Variants in SPTA1 observed in about 807,000 individuals in gnomAD.
The protein encoded by SPTA1 is spectrin alpha, erythrocytic 1.
SPTA1 carries 177 observed loss-of-function variants against 324.7 expected under a neutral mutation model. The observed-to-expected ratio is 0.55, with a 90% CI of 0.48 to 0.62. SPTA1 has a LOEUF of 0.62. SPTA1 is among the 20% of genes least tolerant of loss of function. The pLI is 0.00. For missense variants in SPTA1, 3,162 were observed against 2,883.6 expected (o/e 1.10, Z -2.21); for synonymous variants, 1,195 against 1,041.3 (o/e 1.15, Z -2.84).
intron 19 of SPTA1, 82 bp from the exon 20 acceptor site, chr1:158,656,738 A>G: frequency 1.5e-6 from 2 of 1,324,638 alleles, no homozygotes; most frequent in African/African-American, 1.5e-5. Flanking sequence ...GGGTTATGCT[A>G]TTTGTCTTAA....
At position 158,669,427 on chromosome 1, in the gene SPTA1, G is replaced by A. The variant is rs929351807; in HGVS notation, c.1814C>T (p.Ala605Val). The change falls in exon 14 of 52, where the codon GCA becomes GTA. Residue 605 changes from alanine to valine, a missense_variant. By Grantham distance (64) the Ala-to-Val change is moderately conservative. Transcript: ENST00000643759. ...GCCTACCTTGTAATCTTCATCATCT[G>A]CCAACTTTTTCTTCTTGTTGATCCA... ...KNWINKKKKL[A>V]DDEDYKDIQN... 2 of 1,614,062 alleles carry A rather than the reference G, an allele frequency of 1.2e-6. No individual in the cohort carries two copies. The highest frequency in any genetic ancestry group is 1.7e-6 in the Non-Finnish European group (2 of 1,179,966).
intron 20 of SPTA1, 72 bp downstream of exon 20, chr1:158,656,492 T>A: frequency 1.4e-6 from 2 of 1,403,606 alleles, no homozygotes; most frequent in Non-Finnish European, 1.0e-6. Flanking sequence ...AAGTAAAAAA[T>A]CAGCAATAAA....
intron 16 of SPTA1, among the ~76,000 whole-genome samples, chr1:158,665,583 T>C (rs777241132): frequency 2.6e-5 from 4 of 152,156 alleles, no homozygotes; most frequent in Non-Finnish European, 5.9e-5. Context: ...ACCTAGGAAC[T>C]TTTGGAATAA....
chr1:158,658,514 G>A (rs989840843), intron 18 of SPTA1, among the ~76,000 whole-genome samples: 1 of 152,128 alleles, frequency 6.6e-6, no homozygotes, highest in African/African-American at 2.4e-5. Context: ...CATCAAAGTG[G>A]AAAAATATTG....
In SPTA1 at chr1:158,634,553, G is replaced by T; in HGVS notation, c.5555C>A (p.Ala1852Asp). The T allele has an allele frequency of 6.2e-7, 1 of 1,613,974 alleles. No individual in the cohort carries two copies. ...CTTCCTGTTCCTCACCTGAGTAGCA[G>T]CTAATGTATCTCCACAATCTCCTCG... ...AVRGDCGDTL[A>D]ATQSLLMKHE... Residue 1852 changes from alanine (A) to aspartate (D), a missense_variant, in exon 39 of 52, where the codon GCT becomes GAT. Physicochemically the swap from Ala to Asp is moderately radical, Grantham distance 126. Transcript: ENST00000643759.
chr1:158,643,485 C>T, intron 30 of SPTA1, 60 bp from the exon 31 acceptor site: 2 of 1,474,378 alleles, frequency 1.4e-6, no homozygotes, highest in Non-Finnish European at 9.5e-7. Context: ...GGTGCAATCC[C>T]AGACTCCCTC....
At chr1:158,652,742 C>A in intron 22 of SPTA1, 89 bp from the exon 23 acceptor site, 1 of 1,442,692 alleles carries the variant, frequency 6.9e-7, no homozygotes, top group Admixed American at 1.9e-5. Context: ...AAAGAAGGAA[C>A]AAAAATGAAA....
chr1:158,671,130 C>T (rs147661225), intron 12 of SPTA1, among the ~76,000 whole-genome samples: 121 of 152,166 alleles, frequency 8.0e-4, no homozygotes, highest in African/African-American at 2.7e-3. Context: ...TTGGCTTTCT[C>T]ACTATATAAA....
At chr1:158,626,409 G>A (rs562189177) in intron 41 of SPTA1, among the ~76,000 whole-genome samples, 187 bp from the exon 42 acceptor site, 13 of 152,016 alleles carry the variant, frequency 8.6e-5, no homozygotes, top group Non-Finnish European at 1.3e-4. Flanking sequence ...AAAACTTAAC[G>A]AAACAGAGCT....
At position 158,681,516 on chromosome 1, in the gene SPTA1, A is replaced by G; in HGVS notation, c.531+11T>C. The G allele has an allele frequency of 6.2e-7, 1 of 1,613,506 alleles. No individual in the cohort carries two copies. The highest frequency in any genetic ancestry group is 8.5e-7 in the Non-Finnish European group (1 of 1,179,600). On this transcript the variant is annotated intron_variant, in intron 4 of 51. Transcript: ENST00000643759. ...GGAGGCCCTGTGTGATTGCTGTTTT[A>G]AGTTCGATACCTTGTCTCCAATCCA...
At chr1:158,664,444 C>T (rs775694564) in intron 16 of SPTA1, among the ~76,000 whole-genome samples, 5 of 152,096 alleles carry the variant, frequency 3.3e-5, no homozygotes, top group South Asian at 2.1e-4. Flanking sequence ...AGCCAAACAC[C>T]GCATGTTCTC....
In SPTA1 at chr1:158,638,746, A is replaced by C. The variant is rs1651293040; in HGVS notation, c.4981-505T>G. On this transcript the variant is annotated intron_variant, in intron 35 of 51. Transcript: ENST00000643759. ...CAGGAGAATTGCTTGAGCTGGTACC[A>C]AAAAAAAAAAAAAAAAAAAAGGAAA... Among the ~76,000 whole-genome samples, 2 of 24,298 alleles carry C rather than the reference A, an allele frequency of 8.2e-5. 1 individual carries two copies. The highest frequency in any genetic ancestry group is 1.6e-3 in the South Asian group (2 of 1,240). The allele number at this position is 24,298 out of a possible 152,430, so 15.9% of individuals were successfully genotyped here.
intron 48 of SPTA1, chr1:158,614,909 G>T: frequency 3.2e-6 from 1 of 315,302 alleles, no homozygotes; most frequent in Non-Finnish European, 5.9e-6. Flanking sequence ...AAAATTCTAT[G>T]AAAGGGAATG....
Position 158,661,351 on chromosome 1 carries a change from G to A in SPTA1, c.2523C>T (p.Asn841=), listed in dbSNP as rs184137546. 1.2e-6 allele frequency: 2 copies of A among 1,613,910 alleles called. No individual in the cohort carries two copies. The highest frequency in any genetic ancestry group is 1.7e-6 in the Non-Finnish European group (2 of 1,179,890). ...GAATGCGTGGTTCATGGCTGGCAAT[G>A]TTCTCCAGGATGACTCTATGCCTAT... The part of the protein sequence containing the change: ...LLNRHRVILE[N]IASHEPRIQE... The change falls in exon 18 of 52, where the codon AAC becomes AAT. Residue 841 remains asparagine (N), a synonymous_variant. Transcript: ENST00000643759.
chr1:158,635,255 T>G (rs1438612359), intron 38 of SPTA1, among the ~76,000 whole-genome samples: 3 of 152,116 alleles, frequency 2.0e-5, no homozygotes, highest in Non-Finnish European at 4.4e-5. Context: ...CTTACTGTTT[T>G]CATGATAGTG....
intron 18 of SPTA1, among the ~76,000 whole-genome samples, chr1:158,658,688 A>G (rs979829858): frequency 3.9e-5 from 6 of 152,292 alleles, no homozygotes; most frequent in Middle Eastern, 3.4e-3. Context: ...CCATCAAGTT[A>G]TAGCATAATC....
intron 49 of SPTA1, among the ~76,000 whole-genome samples, 182 bp from the exon 50 acceptor site, chr1:158,614,049 A>G (rs1649409942): frequency 6.6e-6 from 1 of 152,192 alleles, no homozygotes; most frequent in African/African-American, 2.4e-5. Context: ...GGATAGAGAG[A>G]AAAGCATAAA....
chr1:158,653,068 G>A (rs1652571434), intron 22 of SPTA1, among the ~76,000 whole-genome samples: 1 of 152,146 alleles, frequency 6.6e-6, no homozygotes, highest in South Asian at 2.1e-4. Context: ...TATGACCTCA[G>A]GAAATTGATG....
intron 38 of SPTA1, 126 bp from the exon 39 acceptor site, chr1:158,634,801 G>T: frequency 9.2e-7 from 1 of 1,091,116 alleles, no homozygotes; most frequent in Non-Finnish European, 1.4e-6. Flanking sequence ...CAGTTGAAGT[G>T]GGCCTCAACA....
Sources: gnomAD v4.1 joint callset for allele counts (sites outside exome capture counted in the v4.1 genomes callset) on GRCh38, gnomAD v4.1.1 for gene constraint, MANE v1.5 for transcripts, NCBI Gene and HGNC (gene_info 2026-07-23, HGNC 2026-07-21) for gene names.